The following RUFY3 variants were observed in gnomAD, a reference collection of about 807,000 sequenced individuals.
RUFY3 encodes the protein RUN and FYVE domain containing 3, also known as protein RUFY3.
RUFY3 carries 34 observed loss-of-function variants against 84.0 expected under a neutral mutation model. The observed-to-expected ratio is 0.40, with a 90% CI of 0.31 to 0.54. RUFY3 has a LOEUF of 0.54. Among genes scored for constraint, RUFY3 ranks in the 20% least tolerant of loss-of-function variants. RUFY3 has a pLI of 0.39. For missense variants in RUFY3, 507 were observed against 736.8 expected, an observed-to-expected ratio of 0.69 and a Z score of 3.61; for synonymous variants, 242 against 252.9, an observed-to-expected ratio of 0.96 and a Z score of 0.41.
chr4:70,757,129 C>A (rs1234906258), intron 1 of RUFY3, among the ~76,000 whole-genome samples: 1 of 151,574 alleles, frequency 6.6e-6, no homozygotes, highest in Non-Finnish European at 1.5e-5. Context: ...AAAAATTAGC[C>A]GGGCATGGTT....
chr4:70,711,058 C>T (rs1365054992), intron 1 of RUFY3, among the ~76,000 whole-genome samples: 11 of 116,066 alleles, frequency 9.5e-5, no homozygotes, highest in African/African-American at 3.6e-4. Context: ...AGCAAGACTC[C>T]GTCTGGAAAA....
At chr4:70,704,883 C>T (rs1740074864) in exon 1 of RUFY3, 1 of 1,144,950 alleles carries the variant, frequency 8.7e-7, no homozygotes. Flanking sequence ...ACCCTCTGCT[C>T]CCCCGCCCAG....
intron 1 of RUFY3, among the ~76,000 whole-genome samples, chr4:70,757,528 C>G (rs1249217715): frequency 6.6e-6 from 1 of 151,734 alleles, no homozygotes; most frequent in African/African-American, 2.4e-5. Context: ...CACTTGAACC[C>G]AGGAAGACGA....
intron 7 of RUFY3, among the ~76,000 whole-genome samples, chr4:70,776,575 T>C (rs1273509321): frequency 1.3e-5 from 2 of 151,988 alleles, no homozygotes; most frequent in African/African-American, 2.4e-5. Flanking sequence ...GATATGGAGA[T>C]CATCCTGGCT....
intron 1 of RUFY3, among the ~76,000 whole-genome samples, chr4:70,752,006 C>T (rs191200678): frequency 4.9e-4 from 74 of 152,288 alleles, no homozygotes; most frequent in African/African-American, 1.7e-3. Flanking sequence ...GTCTTGAACT[C>T]CTGACCTCAA....
At chr4:70,765,856 G>A (rs529521499) in intron 4 of RUFY3, among the ~76,000 whole-genome samples, 3 of 150,736 alleles carry the variant, frequency 2.0e-5, no homozygotes, top group South Asian at 2.1e-4. Flanking sequence ...TCCGCCTCCC[G>A]GGTTCAAGCG....
At chr4:70,720,045 C>T (rs1347771524), upstream of RUFY3, among the ~76,000 whole-genome samples, 1 of 152,014 alleles carries the variant, frequency 6.6e-6, no homozygotes, top group Non-Finnish European at 1.5e-5. Context: ...TATATATATG[C>T]CTTCTTACAT....
At chr4:70,785,790 T>C (rs1429256736) in intron 10 of RUFY3, among the ~76,000 whole-genome samples, 3 of 152,004 alleles carry the variant, frequency 2.0e-5, no homozygotes, top group Non-Finnish European at 4.4e-5. Flanking sequence ...GAGCCAAGAT[T>C]GTATCACTGC....
chr4:70,752,793 G>A (rs1308257233), intron 1 of RUFY3, among the ~76,000 whole-genome samples: 3 of 152,112 alleles, frequency 2.0e-5, no homozygotes, highest in African/African-American at 7.2e-5. Flanking sequence ...CTTCTTATAT[G>A]TTTCTGGATT....
chr4:70,784,800 C>A lies in RUFY3; in HGVS notation c.992C>A (p.Pro331His). The A allele has an allele frequency of 6.3e-7, 1 of 1,596,082 alleles. No homozygotes were observed. ...AATGTTATTTATCTTTTCAAGGGTC[C>A]CAAGCAAGACAGAACTGCAGAAGGG... The part of the protein sequence containing the change: ...SYILESNRKG[P>H]KQDRTAEGQA... The change falls in exon 10 of 18, where the codon CCC (proline) becomes CAC (histidine). Residue 331 changes from proline (P) to histidine (H), a missense_variant. Around this residue, in one of 4 missense-constraint regions of RUFY3, gnomAD observed 334 missense variants for 364.1 expected, o/e 0.92. Coordinates refer to ENST00000381006, the MANE Select transcript of RUFY3 (RefSeq NM_001037442.4).
intron 12 of RUFY3, chr4:70,789,799 C>G (rs1730516046): frequency 8.4e-7 from 1 of 1,194,804 alleles, no homozygotes; most frequent in Non-Finnish European, 1.0e-6. Flanking sequence ...ACTTGACTAG[C>G]CTTTAAAAAA....
At position 70,793,913 on chromosome 4, in the gene RUFY3, G is replaced by C. The variant is rs776095908; in HGVS notation, c.1457+9G>C. ...GAGCTCACCAGGCAGCGGTGAAGAG[G>C]GGGTAGCTTGAGCTGACAGGGTGGT... On this transcript the variant is annotated intron_variant, in intron 13 of 17. Transcript: ENST00000381006. 1.5e-5 allele frequency: 24 copies of C among 1,613,346 alleles called. No homozygotes were observed. The highest frequency in any genetic ancestry group is 1.0e-4 in the Admixed American group (6 of 59,936).
intron 9 of RUFY3, 134 bp downstream of exon 9, chr4:70,783,317 A>G (rs1729252505): frequency 3.1e-6 from 2 of 649,130 alleles, no homozygotes; most frequent in African/African-American, 3.7e-5. Flanking sequence ...TCCATGCATA[A>G]TTGTGTGATG....
rs1732896607 is a variant in RUFY3, at chr4:70,806,762, A to G, written c.*103A>G. On this transcript the variant is annotated 3_prime_UTR_variant, in exon 18 of 18. Coordinates refer to ENST00000381006, the MANE Select transcript of RUFY3 (RefSeq NM_001037442.4). Reference sequence around the variant, plus strand: ...GAGCCCAGTTCTTAGAGTCAACTAAAGAGTTGATAGGAATTTACTAGGTCC... The same window carrying G: ...GAGCCCAGTTCTTAGAGTCAACTAAGGAGTTGATAGGAATTTACTAGGTCC... 3 of 1,385,032 alleles carry G rather than the reference A, an allele frequency of 2.2e-6. No homozygotes were observed. In the Admixed American group the frequency reaches 6.3e-5, roughly 29 times the overall value. The allele number at this position is 1,385,032 out of a possible 1,614,324, so 85.8% of individuals were successfully genotyped here.
At chr4:70,792,144 A>G (rs1560565247) in intron 12 of RUFY3, 4 of 984,876 alleles carry the variant, frequency 4.1e-6, no homozygotes, top group Non-Finnish European at 4.8e-6. Context: ...AAAATGATGC[A>G]GTACCCATTT....
chr4:70,770,791 G>T (rs1367072357), intron 5 of RUFY3, among the ~76,000 whole-genome samples: 1 of 152,066 alleles, frequency 6.6e-6, no homozygotes, highest in Admixed American at 6.6e-5. Flanking sequence ...CTACCTTTTG[G>T]CCTGTCTTCT....
chr4:70,758,753 T>A (rs1252679016), intron 1 of RUFY3, among the ~76,000 whole-genome samples: 1 of 151,130 alleles, frequency 6.6e-6, no homozygotes, highest in Non-Finnish European at 1.5e-5. Flanking sequence ...AAAAAAAAAA[T>A]TATTGCCAGG....
intron 1 of RUFY3, among the ~76,000 whole-genome samples, chr4:70,731,165 G>A (rs1051255014): frequency 6.6e-6 from 1 of 151,910 alleles, no homozygotes; most frequent in African/African-American, 2.4e-5. Context: ...AGGCTCCTGA[G>A]TAGCTGGGAT....
At chr4:70,758,629 G>A (rs543451621) in intron 1 of RUFY3, among the ~76,000 whole-genome samples, 65 of 151,910 alleles carry the variant, frequency 4.3e-4, no homozygotes, top group Non-Finnish European at 8.5e-4. Flanking sequence ...TTTGGCTCAT[G>A]TATACAATGT....
Sources: gnomAD v4.1 joint callset for allele counts (sites outside exome capture counted in the v4.1 genomes callset) on GRCh38, gnomAD v4.1.1 for gene constraint, gnomAD v4.1.1 regional missense constraint, MANE v1.5 for transcripts, NCBI Gene and HGNC (gene_info 2026-07-23, HGNC 2026-07-21) for gene names.